The following DPP6 variants were observed in gnomAD, a reference collection of about 807,000 sequenced individuals.
DPP6 encodes A-type potassium channel modulatory protein DPP6.
In DPP6, 69 loss-of-function variants were observed where a neutral mutation model predicts 122.6. The ratio of observed to expected loss-of-function variants is 0.56; its 90% CI spans 0.46 to 0.69. DPP6 has a LOEUF of 0.69. Ranked by LOEUF, DPP6 falls within the 30% of genes least tolerant of loss-of-function variation. The probability of loss-of-function intolerance (pLI) is 0.00; values close to 1 mark genes in which losing one functional copy is unlikely to be tolerated. For synonymous variants in DPP6, 418 were observed against 433.1 expected, an observed-to-expected ratio of 0.97 and a Z score of 0.43; for missense variants, 928 against 1,116.9, an observed-to-expected ratio of 0.83 and a Z score of 2.41.
chr7:154,052,984 A>C lies in DPP6; in HGVS notation c.164A>C (p.Glu55Ala). ...CGGGCGCAGGCGGCGGCGCCCCGGGAGCGCGGCGGCGGCGGCGGCGGCGCG... is the reference window on the plus strand; with the variant it reads ...CGGGCGCAGGCGGCGGCGCCCCGGGCGCGCGGCGGCGGCGGCGGCGGCGCG... Reference protein sequence around the residue: ...GPRAQAAAPRERGGGGGGAGG... With the variant: ...GPRAQAAAPRARGGGGGGAGG... The change falls in exon 1 of 26, where the codon GAG (glutamate) becomes GCG (alanine). Residue 55 changes from glutamate (E) to alanine (A), a missense_variant. Physicochemically the swap from Glu to Ala is moderately radical, Grantham distance 107. Coordinates refer to ENST00000377770, the MANE Select transcript of DPP6 (RefSeq NM_130797.4). This position sits in a 1 kb window ranked among gnomAD's most constrained non-coding sequence, Gnocchi z 4.8. 9.2e-7 allele frequency: 1 copy of C among 1,091,660 alleles called. No individual in the cohort carries two copies. Among genetic ancestry groups the C allele is most frequent in the Non-Finnish European group, 1.1e-6 (1 of 899,810 alleles). The allele number at this position is 1,091,660 out of a possible 1,614,324, so 67.6% of individuals were successfully genotyped here. A position where few individuals can be genotyped will look rare whatever the true frequency, so the allele number is the denominator to read the frequency against.
chr7:154,508,150 G>A (rs11773841), intron 3 of DPP6, among the ~76,000 whole-genome samples: 36,405 of 151,902 alleles, frequency 0.24, 4,450 homozygotes, highest in Middle Eastern at 0.33. Context: ...AAAGCAACTC[G>A]AACTCTTGCC....
At chr7:154,412,200 TG>T (rs1225768970) in intron 1 of DPP6, among the ~76,000 whole-genome samples, 4 of 152,144 alleles carry the variant, frequency 2.6e-5, no homozygotes, top group African/African-American at 9.6e-5. Flanking sequence ...CTCCTAATCT[TG>T]GGGGTTAGGA....
intron 1 of DPP6, among the ~76,000 whole-genome samples, chr7:154,402,557 A>G (rs1197982754): frequency 4.2e-5 from 6 of 142,130 alleles, no homozygotes; most frequent in African/African-American, 1.3e-4. Context: ...ATGAGAACAC[A>G]TGGACACAGG....
intron 1 of DPP6, among the ~76,000 whole-genome samples, chr7:154,247,817 C>T (rs1364557140): frequency 6.6e-6 from 1 of 152,052 alleles, no homozygotes; most frequent in Admixed American, 6.6e-5. Flanking sequence ...TTATAGCAGC[C>T]CTACTCATAA....
At chr7:154,261,034 T>G (rs1180177470) in intron 1 of DPP6, among the ~76,000 whole-genome samples, 1 of 152,084 alleles carries the variant, frequency 6.6e-6, no homozygotes, top group Non-Finnish European at 1.5e-5. Flanking sequence ...TAGTTGGAAC[T>G]GCAGGCACAT....
chr7:154,420,812 A>G (rs1817409485), intron 1 of DPP6, among the ~76,000 whole-genome samples: 1 of 152,202 alleles, frequency 6.6e-6, no homozygotes, highest in Admixed American at 6.5e-5. Context: ...GCCCGTAAGC[A>G]TATTCATTTA....
intron 1 of DPP6, among the ~76,000 whole-genome samples, chr7:154,156,341 A>G (rs535399585): frequency 6.6e-6 from 1 of 152,356 alleles, no homozygotes; most frequent in East Asian, 1.9e-4. Flanking sequence ...GAGTCCTGAA[A>G]AAAGTATTTG....
intron 1 of DPP6, among the ~76,000 whole-genome samples, chr7:154,195,715 A>G (rs927748966): frequency 1.3e-5 from 2 of 152,118 alleles, no homozygotes; most frequent in Admixed American, 6.5e-5. Flanking sequence ...ACCCAAATTC[A>G]TTGTCCACGT....
At chr7:153,791,943 C>T in the DPP6 span, among the ~76,000 whole-genome samples, 2 of 152,224 alleles carry the variant, frequency 1.3e-5, no homozygotes, top group Non-Finnish European at 2.9e-5. Flanking sequence ...GACTGAGGAT[C>T]TGTTTACCAG....
intron 1 of DPP6, among the ~76,000 whole-genome samples, chr7:154,144,477 C>T (rs1782812462): frequency 6.6e-6 from 1 of 152,172 alleles, no homozygotes; most frequent in African/African-American, 2.4e-5. Context: ...AGTTATTCAT[C>T]TGCATATTCA....
rs753655244 is a variant in DPP6 at position 154,887,747 on chromosome 7, A to G, written c.2304+13A>G. Reference sequence around the variant, plus strand: ...CAGAGCATACGAGGTGTGTATGGGCACAACTAGAGAATGTGATGAGACCAG... The same window carrying G: ...CAGAGCATACGAGGTGTGTATGGGCGCAACTAGAGAATGTGATGAGACCAG... On this transcript the variant is annotated intron_variant, in intron 23 of 25. Coordinates refer to ENST00000377770, the MANE Select transcript of DPP6 (RefSeq NM_130797.4). The G allele has an allele frequency of 1.2e-6, 2 of 1,613,426 alleles. No individual in the cohort carries two copies. Among genetic ancestry groups the G allele is most frequent in the African/African-American group, 2.7e-5 (2 of 74,918 alleles).
intron 1 of DPP6, among the ~76,000 whole-genome samples, chr7:154,441,790 T>C (rs1293692805): frequency 1.3e-5 from 2 of 152,202 alleles, no homozygotes; most frequent in African/African-American, 4.8e-5. Flanking sequence ...CTGGGTTTCT[T>C]GCACTCGAGA....
intron 1 of DPP6, among the ~76,000 whole-genome samples, chr7:154,060,642 GA>G: frequency 6.8e-6 from 1 of 147,872 alleles, no homozygotes; most frequent in East Asian, 2.0e-4. Flanking sequence ...GCAGGAGGGG[GA>G]GGCACCCCCC....
At chr7:154,253,643 T>A (rs6949524) in intron 1 of DPP6, among the ~76,000 whole-genome samples, 7,681 of 152,250 alleles carry the variant, frequency 0.05, 639 homozygotes, top group African/African-American at 0.17. Context: ...ATGATGATGA[T>A]GATGAAGATA....
intron 1 of DPP6, among the ~76,000 whole-genome samples, chr7:154,196,649 C>T (rs183606945): frequency 9.8e-5 from 15 of 152,292 alleles, no homozygotes; most frequent in Admixed American, 8.5e-4. Context: ...CTTCCAAGGA[C>T]CACCTGGGCT....
At position 154,761,475 on chromosome 7, in the gene DPP6, G is replaced by T. The variant is rs528316851; in HGVS notation, c.884-7942G>T. Among the ~76,000 whole-genome samples, 99 of 152,082 alleles carry T rather than the reference G, an allele frequency of 6.5e-4. 2 individuals are homozygous for T. In the South Asian group the frequency reaches 0.02, roughly 31 times the overall value. On this transcript the variant is annotated intron_variant, in intron 8 of 25. Coordinates refer to ENST00000377770, the MANE Select transcript of DPP6 (RefSeq NM_130797.4). ...TACCACCCTGTGTGAGGCCGTTCTT[G>T]CATTGCGATAAAGAAATCCCCGAGA...
intron 1 of DPP6, among the ~76,000 whole-genome samples, chr7:153,908,186 G>T (rs2129001843): frequency 6.6e-6 from 1 of 152,174 alleles, no homozygotes; most frequent in Admixed American, 6.5e-5. Context: ...ACTGTAGAAT[G>T]GATTCAATGT....
intron 4 of DPP6, among the ~76,000 whole-genome samples, chr7:154,551,631 A>T (rs1294383125): frequency 9.2e-5 from 14 of 152,028 alleles, no homozygotes. Context: ...AACTTGTTGG[A>T]TCTGTATTTT....
At chr7:154,472,097 G>C (rs563874859) in intron 2 of DPP6, among the ~76,000 whole-genome samples, 1 of 152,138 alleles carries the variant, frequency 6.6e-6, no homozygotes. Context: ...GGAAGGAGGG[G>C]ATCAAATGCT....
Sources: allele counts gnomAD v4.1 joint callset (sites outside exome capture counted in the v4.1 genomes callset), GRCh38; gene constraint gnomAD v4.1.1; non-coding constraint Gnocchi (gnomAD v3.1); transcripts MANE v1.5; gene names NCBI Gene and HGNC (gene_info 2026-07-23, HGNC 2026-07-21).